Variants in UNC5D observed in about 807,000 individuals in gnomAD.
The protein encoded by UNC5D is netrin receptor UNC5D.
Under a neutral mutation model 105.4 loss-of-function variants are expected in UNC5D, and 39 were observed. That is an observed-to-expected ratio of 0.37 (90% CI 0.29 to 0.48). UNC5D has a LOEUF of 0.48. UNC5D is among the 20% of genes least tolerant of loss of function. UNC5D has a pLI of 0.98. For synonymous variants in UNC5D, 452 were observed against 450.4 expected (o/e 1.00, Z -0.04); for missense variants, 991 against 1,202.4 (o/e 0.82, Z 2.60).
chr8:35,250,042 T>C (rs1221212617), intron 1 of UNC5D, among the ~76,000 whole-genome samples: 1 of 152,190 alleles, frequency 6.6e-6, no homozygotes, highest in East Asian at 1.9e-4. Context: ...TTTGTTTTTT[T>C]AAGTTATTTA....
rs2130687495 is a variant in UNC5D at position 35,549,499 on chromosome 8, A to G, written c.311A>G (p.Asp104Gly). ...QNEHVSEETLDESSGLKVREV... is the reference protein window; with the variant it reads ...QNEHVSEETLGESSGLKVREV... The stretch of plus-strand genomic sequence containing the variant: ...GAGCACGTCTCTGAAGAGACTCTGG[A>G]CGAGAGCTCAGGTAGGAGCGTGCAG... The change falls in exon 2 of 17, where the codon GAC becomes GGC. Residue 104 changes from aspartate to glycine, a missense_variant. By Grantham distance (94) the Asp-to-Gly change is moderately conservative. Coordinates refer to ENST00000404895, the MANE Select transcript of UNC5D (RefSeq NM_080872.4). 6.2e-7 allele frequency: 1 copy of G among 1,611,740 alleles called. No homozygotes were observed. Among genetic ancestry groups the G allele is most frequent in the Non-Finnish European group, 8.5e-7 (1 of 1,179,754 alleles).
At chr8:35,337,460 T>C (rs957286092) in intron 1 of UNC5D, among the ~76,000 whole-genome samples, 2 of 152,136 alleles carry the variant, frequency 1.3e-5, no homozygotes, top group Admixed American at 1.3e-4. Context: ...AACATTTTAC[T>C]TACGCATTGA....
intron 1 of UNC5D, 75 bp from the exon 2 acceptor site, chr8:35,549,217 G>A: frequency 2.2e-6 from 3 of 1,362,690 alleles, no homozygotes; most frequent in Admixed American, 1.9e-5. Context: ...TAGAGCTGGT[G>A]CAGGTTTGCC....
intron 1 of UNC5D, among the ~76,000 whole-genome samples, chr8:35,355,440 A>G (rs1801496019): frequency 6.6e-6 from 1 of 152,112 alleles, no homozygotes; most frequent in South Asian, 2.1e-4. Flanking sequence ...TTTTCCCCCT[A>G]GCAGCCTATT....
intron 1 of UNC5D, among the ~76,000 whole-genome samples, chr8:35,465,219 T>C (rs764311558): frequency 2.6e-5 from 4 of 152,276 alleles, no homozygotes; most frequent in Non-Finnish European, 5.9e-5. Context: ...GGCAAAACAC[T>C]GTCTATGCAA....
At chr8:35,412,223 A>G (rs1160020458) in intron 1 of UNC5D, among the ~76,000 whole-genome samples, 3 of 152,046 alleles carry the variant, frequency 2.0e-5, no homozygotes, top group Non-Finnish European at 2.9e-5. Context: ...TTCTAATTTT[A>G]GAACCCTCCA....
intron 1 of UNC5D, among the ~76,000 whole-genome samples, chr8:35,344,965 T>G (rs2128905317): frequency 6.6e-6 from 1 of 152,084 alleles, no homozygotes; most frequent in South Asian, 2.1e-4. Context: ...ATAGAAAAAA[T>G]ATATTAGTAA....
intron 4 of UNC5D, among the ~76,000 whole-genome samples, chr8:35,626,691 T>C (rs530526167): frequency 6.6e-5 from 10 of 152,356 alleles, no homozygotes; most frequent in African/African-American, 2.4e-4. Context: ...TGGGAATATA[T>C]ATCATCCAGG....
At chr8:35,490,867 A>G (rs1450967456) in intron 1 of UNC5D, among the ~76,000 whole-genome samples, 5 of 151,898 alleles carry the variant, frequency 3.3e-5, no homozygotes, top group Non-Finnish European at 5.9e-5. Context: ...TTTAATTTTT[A>G]TTTTTAATTT....
intron 1 of UNC5D, among the ~76,000 whole-genome samples, chr8:35,453,424 T>C (rs1292992470): frequency 6.6e-6 from 1 of 152,192 alleles, no homozygotes. Flanking sequence ...GCATTGAGTC[T>C]GAAAGTTCAA....
chr8:35,448,598 A>T (rs1807947772), intron 1 of UNC5D, among the ~76,000 whole-genome samples: 1 of 152,102 alleles, frequency 6.6e-6, no homozygotes. Flanking sequence ...GGAATCAGTG[A>T]TTTAAACCCT....
At chr8:35,688,987 G>T (rs1476811347) in intron 7 of UNC5D, among the ~76,000 whole-genome samples, 1 of 152,232 alleles carries the variant, frequency 6.6e-6, no homozygotes, top group Non-Finnish European at 1.5e-5. Context: ...TGAGCCATGG[G>T]ATGTCCAGAT....
intron 1 of UNC5D, among the ~76,000 whole-genome samples, chr8:35,546,268 C>T (rs1342172600): frequency 6.6e-6 from 1 of 152,116 alleles, no homozygotes; most frequent in African/African-American, 2.4e-5. Flanking sequence ...ATTCCACTCT[C>T]CTGCTTTCTT....
intron 1 of UNC5D, among the ~76,000 whole-genome samples, chr8:35,303,016 AG>A (rs1222470594): frequency 6.6e-6 from 1 of 152,114 alleles, no homozygotes; most frequent in Admixed American, 6.6e-5. Context: ...AAAAAGAAAC[AG>A]GGGAAAGTAA....
chr8:35,790,064 T>C (rs1034613009), intron 16 of UNC5D, among the ~76,000 whole-genome samples: 1 of 152,078 alleles, frequency 6.6e-6, no homozygotes, highest in African/African-American at 2.4e-5. Context: ...CAGTGAGCTG[T>C]GACTGTGCCA....
intron 9 of UNC5D, among the ~76,000 whole-genome samples, chr8:35,724,799 G>C (rs1828771936): frequency 6.6e-6 from 1 of 152,162 alleles, no homozygotes; most frequent in African/African-American, 2.4e-5. Context: ...TCTAATCTAA[G>C]ATGGGTTTTG....
At chr8:35,348,371 G>T (rs940981526) in intron 1 of UNC5D, among the ~76,000 whole-genome samples, 1 of 151,868 alleles carries the variant, frequency 6.6e-6, no homozygotes, top group African/African-American at 2.4e-5. Context: ...GCACAGTTGG[G>T]AAATAAACAT....
At chr8:35,632,666 C>T (rs897828638) in intron 4 of UNC5D, among the ~76,000 whole-genome samples, 1 of 152,180 alleles carries the variant, frequency 6.6e-6, no homozygotes, top group African/African-American at 2.4e-5. Flanking sequence ...GTCTTGTTCA[C>T]TGCAGAACAG....
At chr8:35,699,820 C>A (rs1428515783) in intron 7 of UNC5D, among the ~76,000 whole-genome samples, 4 of 152,064 alleles carry the variant, frequency 2.6e-5, no homozygotes, top group African/African-American at 9.7e-5. Flanking sequence ...TGACCAAGAT[C>A]TTTAAAAATG....
Sources: gnomAD v4.1 joint callset for allele counts (sites outside exome capture counted in the v4.1 genomes callset) on GRCh38, gnomAD v4.1.1 for gene constraint, MANE v1.5 for transcripts, NCBI Gene and HGNC (gene_info 2026-07-23, HGNC 2026-07-21) for gene names.